AUTS2: variants seen among roughly 807,000 people sequenced by gnomAD.
The protein encoded by AUTS2 is autism susceptibility gene 2 protein.
A neutral mutation model predicts 112.4 loss-of-function variants in AUTS2; 17 were observed. The observed-to-expected ratio is 0.15, with a 90% confidence interval of 0.10 to 0.23. The LOEUF is 0.23. Among genes scored for constraint, AUTS2 ranks in the 10% least tolerant of loss-of-function variants. The pLI is 1.00. For missense variants in AUTS2, 1,510 were observed against 1,701.6 expected (o/e 0.89, Z 1.98); for synonymous variants, 751 against 702.7 (o/e 1.07, Z -1.09).
chr7:70,629,707 C>T (rs1805157258), intron 5 of AUTS2, among the ~76,000 whole-genome samples: 1 of 152,220 alleles, frequency 6.6e-6, no homozygotes, highest in South Asian at 2.1e-4. Context: ...TCATCATCAT[C>T]AGCCTCGCTG....
rs142164177 is a variant in AUTS2, at chr7:69,824,408, C to CA, written c.310-74865dup. On this transcript the variant is annotated intron_variant, in intron 1 of 18. Coordinates refer to ENST00000342771, the MANE Select transcript of AUTS2 (RefSeq NM_015570.4). ...TGGGTGACAGCGCGAGATTCTGTCTCAAAAAAAAAAAAATAAGTGTGATAC... is the reference window on the plus strand; with the variant it reads ...TGGGTGACAGCGCGAGATTCTGTCTCAAAAAAAAAAAAAATAAGTGTGATAC... Among the ~76,000 whole-genome samples, 797 of 131,592 alleles carry CA rather than the reference C, an allele frequency of 6.1e-3. 4 individuals are homozygous for CA. The highest frequency in any genetic ancestry group is 0.018 in the East Asian group (82 of 4,552). The allele number at this position is 131,592 out of a possible 152,430, so 86.3% of individuals were successfully genotyped here.
At chr7:70,672,792 G>A (rs1807712852) in intron 5 of AUTS2, among the ~76,000 whole-genome samples, 2 of 151,992 alleles carry the variant, frequency 1.3e-5, no homozygotes, top group Middle Eastern at 3.4e-3. Flanking sequence ...TAGTAGAGAC[G>A]GGGTTTCACC....
intron 1 of AUTS2, among the ~76,000 whole-genome samples, chr7:69,742,933 T>C (rs1354139062): frequency 6.6e-6 from 1 of 152,176 alleles, no homozygotes; most frequent in East Asian, 1.9e-4. Context: ...TTATTTGCTC[T>C]TCCCCAGATC....
chr7:70,418,101 G>GTGTGTGTC (rs1554396522), intron 4 of AUTS2, among the ~76,000 whole-genome samples: 2 of 148,592 alleles, frequency 1.3e-5, no homozygotes, highest in African/African-American at 5.0e-5. Flanking sequence ...GTGTGTGTGT[G>GTGTGTGTC]TGTGTGTGTG....
At chr7:70,046,449 A>T (rs777374735) in intron 2 of AUTS2, among the ~76,000 whole-genome samples, 1 of 152,210 alleles carries the variant, frequency 6.6e-6, no homozygotes, top group Admixed American at 6.5e-5. Context: ...GATAGATGTT[A>T]TTGTTCTTAT....
Position 70,790,492 on chromosome 7 carries a change from G to A in AUTS2, c.3276G>A (p.Arg1092=). ...LDIHRRDPLG[R]DFLLRNDPLH... ...TTCACCGGAGAGACCCGCTGGGCAG[G>A]GACTTCCTGCTAAGGAACGACCCGC... Residue 1092 remains arginine (R), a synonymous_variant, in exon 19 of 19, where the codon AGG becomes AGA. Transcript: ENST00000342771. This position sits in a 1 kb window ranked among gnomAD's most constrained non-coding sequence, Gnocchi z 7.6. The A allele has an allele frequency of 1.9e-6, 3 of 1,612,646 alleles. No individual in the cohort carries two copies. The highest frequency in any genetic ancestry group is 3.3e-4 in the Middle Eastern group (2 of 6,052).
intron 4 of AUTS2, among the ~76,000 whole-genome samples, chr7:70,263,887 G>C (rs1787285854): frequency 6.6e-6 from 1 of 152,162 alleles, no homozygotes; most frequent in Non-Finnish European, 1.5e-5. Flanking sequence ...TTTCCTTCAA[G>C]AGCCTGAATT....
At chr7:70,787,086 C>A in intron 17 of AUTS2, 123 bp from the exon 18 acceptor site, 1 of 891,488 alleles carries the variant, frequency 1.1e-6, no homozygotes, top group Non-Finnish European at 1.8e-6. Context: ...CCTTTTCCAG[C>A]TCCCAATAAT....
intron 4 of AUTS2, among the ~76,000 whole-genome samples, chr7:70,414,467 C>T (rs982063569): frequency 6.6e-6 from 1 of 152,078 alleles, no homozygotes; most frequent in Non-Finnish European, 1.5e-5. Flanking sequence ...AGCTCTGTGT[C>T]GCTTAGAACT....
At chr7:70,361,355 G>A (rs917937591) in intron 4 of AUTS2, among the ~76,000 whole-genome samples, 1 of 152,066 alleles carries the variant, frequency 6.6e-6, no homozygotes, top group African/African-American at 2.4e-5. Flanking sequence ...TCGATTCTTG[G>A]AAAATCAAGT....
At chr7:70,025,543 C>G (rs1240207138) in intron 2 of AUTS2, among the ~76,000 whole-genome samples, 2 of 151,618 alleles carry the variant, frequency 1.3e-5, no homozygotes, top group African/African-American at 2.4e-5. Context: ...CCTCTGCCTC[C>G]CAGGTTCAAG....
intron 1 of AUTS2, among the ~76,000 whole-genome samples, chr7:69,666,909 A>G (rs1045413809): frequency 6.6e-6 from 1 of 152,168 alleles, no homozygotes. Context: ...CCCCAAAAAC[A>G]AAACAAAACA....
intron 4 of AUTS2, among the ~76,000 whole-genome samples, chr7:70,331,654 G>C (rs1419134823): frequency 1.3e-5 from 2 of 151,888 alleles, no homozygotes; most frequent in Non-Finnish European, 2.9e-5. Context: ...GGGATGCAAG[G>C]CTGGTTCAAC....
In AUTS2 at chr7:70,185,257, C is replaced by CTTT. The variant is rs35215443; in HGVS notation, c.660+50711_660+50713dup. On this transcript the variant is annotated intron_variant, in intron 4 of 18. Transcript: ENST00000342771. ...TGCTTTGGGCCTAAATGACATTAAACTTTTTTTTTTTTTTTTTTTTTTTTT... is the reference window on the plus strand; with the variant it reads ...TGCTTTGGGCCTAAATGACATTAAACTTTTTTTTTTTTTTTTTTTTTTTTTTTT... Among the ~76,000 whole-genome samples, 757 of 87,088 alleles carry CTTT rather than the reference C, an allele frequency of 8.7e-3. 40 individuals are homozygous for CTTT. Among genetic ancestry groups the CTTT allele is most frequent in the African/African-American group, 0.028 (614 of 21,886 alleles). 57.1% of individuals were successfully genotyped at this position (87,088 alleles called of 152,430 possible).
intron 1 of AUTS2, among the ~76,000 whole-genome samples, chr7:69,873,640 C>T (rs888998837): frequency 6.6e-6 from 1 of 152,120 alleles, no homozygotes; most frequent in Non-Finnish European, 1.5e-5. Flanking sequence ...GCTAGATTGG[C>T]ATTCATTTCT....
At chr7:69,864,680 T>C (rs893090960) in intron 1 of AUTS2, among the ~76,000 whole-genome samples, 16 of 152,206 alleles carry the variant, frequency 1.1e-4, no homozygotes, top group African/African-American at 3.9e-4. Context: ...ACATACTTTA[T>C]TTAAAATATT....
intron 2 of AUTS2, among the ~76,000 whole-genome samples, chr7:70,092,665 T>C (rs1449333553): frequency 1.3e-5 from 2 of 152,150 alleles, no homozygotes; most frequent in African/African-American, 4.8e-5. Flanking sequence ...AATAATTTAA[T>C]TAATTGCACT....
intron 4 of AUTS2, chr7:70,293,238 G>A (rs1788787728): frequency 6.6e-6 from 1 of 152,216 alleles, no homozygotes; most frequent in South Asian, 2.1e-4. Context: ...CTTCCTGGGG[G>A]ATACTTTGTA....
intron 4 of AUTS2, chr7:70,293,854 G>A (rs1788815183): frequency 6.6e-6 from 1 of 152,154 alleles, no homozygotes; most frequent in East Asian, 1.9e-4. Context: ...ATTTGCATTG[G>A]AGTGACCAGT....
Sources: gnomAD v4.1 joint callset for allele counts (sites outside exome capture counted in the v4.1 genomes callset) on GRCh38, gnomAD v4.1.1 for gene constraint, Gnocchi (gnomAD v3.1) non-coding constraint, MANE v1.5 for transcripts, NCBI Gene and HGNC (gene_info 2026-07-23, HGNC 2026-07-21) for gene names.